Variants in PLEKHM2 observed in about 807,000 individuals in gnomAD.
The protein encoded by PLEKHM2 is pleckstrin homology and RUN domain containing M2.
Under a neutral mutation model 116.3 loss-of-function variants are expected in PLEKHM2, and 77 were observed. The observed-to-expected ratio is 0.66, with a 90% CI of 0.55 to 0.80. The LOEUF (loss-of-function observed/expected upper bound fraction) is 0.80, where lower values mean the gene tolerates loss of function less well. Ranked by LOEUF, PLEKHM2 falls within the 30% of genes least tolerant of loss-of-function variation. The probability of loss-of-function intolerance (pLI) is 0.00; values close to 1 mark genes in which losing one functional copy is unlikely to be tolerated. For synonymous variants in PLEKHM2, 562 were observed against 571.0 expected, an observed-to-expected ratio of 0.98 and a Z score of 0.22; for missense variants, 1,183 against 1,354.9, an observed-to-expected ratio of 0.87 and a Z score of 1.99.
At chr1:15,700,065 G>A (rs770366615) in intron 1 of PLEKHM2, among the ~76,000 whole-genome samples, 9 of 151,906 alleles carry the variant, frequency 5.9e-5, no homozygotes, top group Non-Finnish European at 1.2e-4. Context: ...CTGGTGAAGC[G>A]GCAGGCACCC....
At position 15,728,074 on chromosome 1, in the gene PLEKHM2, C is replaced by A; in HGVS notation, c.1761-5C>A. 1 of 1,608,516 alleles carries A rather than the reference C, an allele frequency of 6.2e-7. No homozygotes were observed. Among genetic ancestry groups the A allele is most frequent in the South Asian group, 1.1e-5 (1 of 89,996 alleles). On this transcript the variant is annotated splice_region_variant and splice_polypyrimidine_tract_variant and intron_variant, in intron 9 of 19. Transcript: ENST00000375799. The surrounding 1 kb of genome is among the most constrained non-coding windows in gnomAD (Gnocchi z 5.9). ...CATCTCGCCCTCCTGACTTGGCCCT[C>A]ACAGAGTAGACAACAATCACCTGCT...
rs776084534 is a variant in PLEKHM2 at position 15,727,753 on chromosome 1, T to C, written c.1681T>C (p.Cys561Arg). The C allele has an allele frequency of 1.2e-6, 2 of 1,604,682 alleles. No individual in the cohort carries two copies. Among genetic ancestry groups the C allele is most frequent in the South Asian group, 1.1e-5 (1 of 89,160 alleles). ...GCTCAAGCGAGACCAGCCCAGCCCGTGTCTGAGTAGCGCTGAGGATTCTGG... is the reference window on the plus strand; with the variant it reads ...GCTCAAGCGAGACCAGCCCAGCCCGCGTCTGAGTAGCGCTGAGGATTCTGG... ...CQLKRDQPSP[C>R]LSSAEDSGVD... The change falls in exon 9 of 20, where the codon TGT (cysteine) becomes CGT (arginine). Residue 561 changes from cysteine (C) to arginine (R), a missense_variant. Coordinates refer to ENST00000375799, the MANE Select transcript of PLEKHM2 (RefSeq NM_015164.4). This position sits in a 1 kb window ranked among gnomAD's most constrained non-coding sequence, Gnocchi z 7.5.
chr1:15,692,115 C>T (rs1467642040), intron 1 of PLEKHM2, among the ~76,000 whole-genome samples: 1 of 147,552 alleles, frequency 6.8e-6, no homozygotes, highest in Non-Finnish European at 1.5e-5. Flanking sequence ...CCTGTCTCGG[C>T]GGGGGAAAAA....
At chr1:15,696,745 G>A (rs1423309430) in intron 1 of PLEKHM2, among the ~76,000 whole-genome samples, 1 of 152,218 alleles carries the variant, frequency 6.6e-6, no homozygotes, top group South Asian at 2.1e-4. Flanking sequence ...TCCCCCGTGG[G>A]GCAGACATTC....
intron 1 of PLEKHM2, among the ~76,000 whole-genome samples, chr1:15,692,574 T>A (rs1233897620): frequency 6.6e-6 from 1 of 152,188 alleles, no homozygotes; most frequent in Non-Finnish European, 1.5e-5. Flanking sequence ...ATAACTGCTT[T>A]TTCTGAGCCC....
chr1:15,718,077 C>A, intron 4 of PLEKHM2, 85 bp downstream of exon 4: 1 of 832,052 alleles, frequency 1.2e-6, no homozygotes, highest in Non-Finnish European at 2.0e-6. Context: ...GCAGACAGCA[C>A]AGTGTGCCAC....
intron 1 of PLEKHM2, among the ~76,000 whole-genome samples, 190 bp downstream of exon 1, chr1:15,684,808 A>G (rs1640731489): frequency 6.6e-6 from 1 of 151,308 alleles, no homozygotes; most frequent in Non-Finnish European, 1.5e-5. Context: ...CCTCGGAGCT[A>G]TTTTTAAAGA....
At chr1:15,702,736 T>TTC (rs1557645504) in intron 1 of PLEKHM2, among the ~76,000 whole-genome samples, 2 of 146,688 alleles carry the variant, frequency 1.4e-5, no homozygotes, top group Non-Finnish European at 3.0e-5. Flanking sequence ...TTTTTTTTTT[T>TTC]TCGAGGCAGG....
intron 1 of PLEKHM2, among the ~76,000 whole-genome samples, chr1:15,707,738 A>G (rs1641253892): frequency 6.6e-6 from 1 of 152,170 alleles, no homozygotes; most frequent in South Asian, 2.1e-4. Flanking sequence ...CACTCGGGAG[A>G]TGCCAGTGTG....
At chr1:15,720,421 T>C (rs2067980713) in intron 6 of PLEKHM2, 1 of 985,138 alleles carries the variant, frequency 1.0e-6, no homozygotes, top group East Asian at 1.1e-4. Context: ...CTGAGTTCCT[T>C]CTGCGCTCGC....
At position 15,684,588 on chromosome 1, in the gene PLEKHM2, C is replaced by T. The variant is rs780010080; in HGVS notation, c.30C>T (p.Ile10=). 20 of 1,313,212 alleles carry T rather than the reference C, an allele frequency of 1.5e-5. No individual in the cohort carries two copies. In the African/African-American group the frequency reaches 2.3e-4, roughly 15 times the overall value. 81.3% of individuals were successfully genotyped at this position (1,313,212 alleles called of 1,614,324 possible). Residue 10 remains isoleucine (I), a synonymous_variant, in exon 1 of 20, where the codon ATC becomes ATT. Coordinates refer to ENST00000375799, the MANE Select transcript of PLEKHM2 (RefSeq NM_015164.4). MEPGEVKDR[I]LENISLSVKK... is the part of the protein sequence containing the mutation. ...AGCCGGGGGAGGTGAAGGACCGGATCCTGGAGAACATCTCGCTGTCGGTGA... is the reference window on the plus strand; with the variant it reads ...AGCCGGGGGAGGTGAAGGACCGGATTCTGGAGAACATCTCGCTGTCGGTGA...
At chr1:15,710,333 A>G (rs927483302) in intron 1 of PLEKHM2, among the ~76,000 whole-genome samples, 15 of 151,234 alleles carry the variant, frequency 9.9e-5, no homozygotes, top group Admixed American at 9.2e-4. Context: ...TGTTGTTGTT[A>G]TTGTTGTTAT....
At chr1:15,720,591 A>C in intron 6 of PLEKHM2, 1 of 476,976 alleles carries the variant, frequency 2.1e-6, no homozygotes, top group African/African-American at 2.1e-5. Flanking sequence ...TCCCCTCTTT[A>C]TCTCCTGTAG....
intron 1 of PLEKHM2, among the ~76,000 whole-genome samples, chr1:15,713,243 C>T (rs555400356): frequency 1.3e-4 from 20 of 152,282 alleles, no homozygotes; most frequent in Non-Finnish European, 2.5e-4. Flanking sequence ...CATGAGCCAC[C>T]ACTCGTGGCA....
At chr1:15,682,519 T>C (rs1373097094), upstream of PLEKHM2, among the ~76,000 whole-genome samples, 3 of 150,968 alleles carry the variant, frequency 2.0e-5, no homozygotes, top group African/African-American at 7.3e-5. Flanking sequence ...CTCGGGAGGC[T>C]GAGGCAGGAG....
chr1:15,731,086 G>C, intron 15 of PLEKHM2, 106 bp from the exon 16 acceptor site: 2 of 825,950 alleles, frequency 2.4e-6, no homozygotes, highest in Non-Finnish European at 4.0e-6. Context: ...TTTGCCTCAG[G>C]TTCATGGCCG....
At chr1:15,696,645 C>T (rs1346327026) in intron 1 of PLEKHM2, among the ~76,000 whole-genome samples, 1 of 152,238 alleles carries the variant, frequency 6.6e-6, no homozygotes, top group Non-Finnish European at 1.5e-5. Context: ...GCCACCGCGC[C>T]TGGGCACAAA....
At chr1:15,722,176 C>T (rs2068004552) in intron 7 of PLEKHM2, among the ~76,000 whole-genome samples, 1 of 152,254 alleles carries the variant, frequency 6.6e-6, no homozygotes, top group Non-Finnish European at 1.5e-5. Context: ...CGGAGTCTCG[C>T]TCTGTTGCTC....
rs367978433 is a variant in PLEKHM2 at position 15,732,592 on chromosome 1, G to A, written c.2806-20G>A. The stretch of plus-strand genomic sequence containing the variant: ...GAAGGAAAGCTCTGGCTGCTCACCC[G>A]GGGGCCTGGCTCTCCCTAGGAGTTC... On this transcript the variant is annotated intron_variant, in intron 18 of 19. Transcript: ENST00000375799. 472 of 1,595,486 alleles carry A rather than the reference G, an allele frequency of 3.0e-4. 1 individual carries two copies. Among genetic ancestry groups the A allele is most frequent in the Non-Finnish European group, 3.8e-4 (441 of 1,170,742 alleles).
Sources: gnomAD v4.1 joint callset for allele counts (sites outside exome capture counted in the v4.1 genomes callset) on GRCh38, gnomAD v4.1.1 for gene constraint, Gnocchi (gnomAD v3.1) non-coding constraint, MANE v1.5 for transcripts, NCBI Gene and HGNC (gene_info 2026-07-23, HGNC 2026-07-21) for gene names.